The following SRMS variants were observed in gnomAD, a reference collection of about 807,000 sequenced individuals.
The protein encoded by SRMS is src-related kinase lacking C-terminal regulatory tyrosine and N-terminal myristylation sites.
Under a neutral mutation model 43.5 loss-of-function variants are expected in SRMS, and 42 were observed. That is an observed-to-expected ratio of 0.97 (90% CI 0.75 to 1.25). The LOEUF is 1.25. SRMS is among the 50% of genes most tolerant of loss of function. The probability of loss-of-function intolerance (pLI) is 0.00; values close to 1 mark genes in which losing one functional copy is unlikely to be tolerated. For missense variants in SRMS, 703 were observed against 681.0 expected, an observed-to-expected ratio of 1.03 and a Z score of -0.36; for synonymous variants, 316 against 308.2, an observed-to-expected ratio of 1.03 and a Z score of -0.27.
At chr20:63,541,663 G>T in intron 5 of SRMS, 43 bp from the exon 6 acceptor site, 1 of 1,457,898 alleles carries the variant, frequency 6.9e-7, no homozygotes. Flanking sequence ...CGGGGCCAAC[G>T]GCCGGTGAGG....
chr20:63,547,153 A>G lies in SRMS; in HGVS notation c.311T>C (p.Ile104Thr), dbSNP rs771833261. ...SGQPSAGLVP[I>T]THVAKASPET... is the part of the protein sequence containing the mutation. ...AGGAGAAGCCTTGGCCACGTGGGTG[A>G]TGGGCACGAGCCCGGCGCTGGGCTG... The change falls in exon 1 of 8, where the codon ATC becomes ACC. Residue 104 changes from isoleucine to threonine, a missense_variant. Transcript: ENST00000217188. 195 of 1,608,210 alleles carry G rather than the reference A, an allele frequency of 1.2e-4. No individual in the cohort carries two copies. Among genetic ancestry groups the G allele is most frequent in the Non-Finnish European group, 1.6e-4 (193 of 1,177,514 alleles).
chr20:63,542,012 C>T, intron 5 of SRMS, 151 bp downstream of exon 5: 1 of 1,157,046 alleles, frequency 8.6e-7, no homozygotes, highest in Non-Finnish European at 1.2e-6. Context: ...GGCTGGAGAC[C>T]AGACAGGGAT....
chr20:63,543,997 A>G (rs201575370), intron 2 of SRMS, among the ~76,000 whole-genome samples: 3 of 137,948 alleles, frequency 2.2e-5, no homozygotes, highest in Non-Finnish European at 3.1e-5. Context: ...ATTAGTGAGG[A>G]ATGAATGAAC....
At chr20:63,543,956 G>A (rs1240428332) in intron 2 of SRMS, among the ~76,000 whole-genome samples, 1 of 149,216 alleles carries the variant, frequency 6.7e-6, no homozygotes, top group Non-Finnish European at 1.5e-5. Flanking sequence ...ACGAGTGAAT[G>A]AGATGAATGG....
rs373925989 is a variant in SRMS at position 63,540,942 on chromosome 20, G to A, written c.1343C>T (p.Pro448Leu). 8.6e-5 allele frequency: 139 copies of A among 1,607,060 alleles called. No individual in the cohort carries two copies. Among genetic ancestry groups the A allele is most frequent in the Non-Finnish European group, 9.4e-5 (111 of 1,179,450 alleles). ...QIMRGYRLPR[P>L]AACPAEVYVL... ...GTAGACCTCCGCCGGGCAGGCAGCC[G>A]GGCGCGGCAGCCGGTACCCTCGCAT... Residue 448 changes from proline (P) to leucine (L), a missense_variant, in exon 8 of 8, where the codon CCG (proline) becomes CTG (leucine). Transcript: ENST00000217188.
chr20:63,547,189 C>G lies in SRMS; in HGVS notation c.275G>C (p.Arg92Thr). 2 of 1,612,114 alleles carry G rather than the reference C, an allele frequency of 1.2e-6. No individual in the cohort carries two copies. The highest frequency in any genetic ancestry group is 4.5e-5 in the East Asian group (2 of 44,832). ...CCCGGCGCTGGGCTGGCCCGAAAGC[C>G]TGCGTGCGAAGATGTAGCCGCCCCC... is the stretch of plus-strand genomic sequence containing the variant. The part of the protein sequence containing the change: ...EEGGGYIFAR[R>T]LSGQPSAGLV... Residue 92 changes from arginine to threonine, a missense_variant, in exon 1 of 8, where the codon AGG becomes ACG. By Grantham distance (71) the Arg-to-Thr change is moderately conservative (BLOSUM62 -1). Coordinates refer to ENST00000217188, the MANE Select transcript of SRMS (RefSeq NM_080823.4).
In SRMS at chr20:63,547,233, C is replaced by G. The variant is rs756926028; in HGVS notation, c.231G>C (p.Arg77Ser). ...CGCCCCCCTCTTCGAGGGCACAGAG[C>G]CTGTCCCCGCGGCGGACACTCAGCT... is the stretch of plus-strand genomic sequence containing the variant. ...GGELSVRRGD[R>S]LCALEEGGGY... The change falls in exon 1 of 8, where the codon AGG (arginine) becomes AGC (serine). Residue 77 changes from arginine to serine, a missense_variant. Coordinates refer to ENST00000217188, the MANE Select transcript of SRMS (RefSeq NM_080823.4). The G allele has an allele frequency of 9.3e-6, 15 of 1,611,650 alleles. No individual in the cohort carries two copies. The highest frequency in any genetic ancestry group is 6.6e-5 in the South Asian group (6 of 90,978).
rs1191370882 is a variant in SRMS, at chr20:63,542,157, A to G, written c.946+6T>C. On this transcript the variant is annotated splice_donor_region_variant and intron_variant, in intron 5 of 7. Transcript: ENST00000217188. ...AGGGCCACGTGGCAGCAGGGAGGGG[A>G]CTCACTGCCCAGGAAGGCCTGCAGG... The G allele has an allele frequency of 6.2e-7, 1 of 1,603,102 alleles. No homozygotes were observed. The highest frequency in any genetic ancestry group is 1.3e-5 in the African/African-American group (1 of 74,694).
In SRMS at chr20:63,539,665, G is replaced by C. The variant is rs141165670; in HGVS notation, c.*1153C>G. Among the ~76,000 whole-genome samples the C allele has an allele frequency of 0.01, 1,550 of 152,232 alleles. 24 individuals carry two copies. Among genetic ancestry groups the C allele is most frequent in the African/African-American group, 0.035 (1,455 of 41,538 alleles). On this transcript the variant is annotated 3_prime_UTR_variant, in exon 8 of 8. Transcript: ENST00000217188. ...CAGAAGCTTCCCTGAGCCAGACGTG[G>C]GGAGACGAGGGCGGACCCTGCACAT...
At chr20:63,547,047 T>C (rs2082735643) in intron 1 of SRMS, 61 bp downstream of exon 1, 3 of 1,392,234 alleles carry the variant, frequency 2.2e-6, no homozygotes, top group East Asian at 5.0e-5. Flanking sequence ...AATCCTGCCG[T>C]TGTTCTGGAC....
Position 63,547,283 on chromosome 20 carries a change from C to T in SRMS, c.181G>A (p.Asp61Asn), listed in dbSNP as rs143145993. 1.1e-4 allele frequency: 176 copies of T among 1,608,826 alleles called. No individual in the cohort carries two copies. The highest frequency in any genetic ancestry group is 1.4e-4 in the Non-Finnish European group (170 of 1,177,376). Residue 61 changes from aspartate to asparagine, a missense_variant, in exon 1 of 8, where the codon GAC (aspartate) becomes AAC (asparagine). Coordinates refer to ENST00000217188, the MANE Select transcript of SRMS (RefSeq NM_080823.4). Reference protein sequence around the residue: ...PFPQLFLALYDFTARCGGELS... With the variant: ...PFPQLFLALYNFTARCGGELS... ...TCCCCGCCACACCGCGCCGTGAAGT[C>T]ATAGAGCGCAAGGAAGAGCTGAGGG...
rs141886082 is a variant in SRMS, at chr20:63,546,677, G to A, written c.356+431C>T. On this transcript the variant is annotated intron_variant, in intron 1 of 7. Transcript: ENST00000217188. ...AGCCCCCAGCCCCTGCTCACCTGCC[G>A]TCACCCAGAGCTCCTGGAGCTCCTG... Among the ~76,000 whole-genome samples, 908 of 140,616 alleles carry A rather than the reference G, an allele frequency of 6.5e-3. 5 individuals carry two copies. Among genetic ancestry groups the A allele is most frequent in the Non-Finnish European group, 0.01 (654 of 64,540 alleles). The allele number at this position is 140,616 out of a possible 152,430, so 92.2% of individuals were successfully genotyped here. A position where few individuals can be genotyped will look rare whatever the true frequency, so the allele number is the denominator to read the frequency against.
At chr20:63,543,616 T>C in intron 2 of SRMS, 136 bp from the exon 3 acceptor site, 1 of 1,091,958 alleles carries the variant, frequency 9.2e-7, no homozygotes, top group Non-Finnish European at 1.3e-6. Flanking sequence ...TGGTCAGAGC[T>C]GTGTGGAGGA....
At chr20:63,542,754 C>T (rs6010963) in intron 3 of SRMS, among the ~76,000 whole-genome samples, 173 bp from the exon 4 acceptor site, 2 of 152,222 alleles carry the variant, frequency 1.3e-5, no homozygotes, top group Non-Finnish European at 2.9e-5. Context: ...GGCCCAGCCC[C>T]GTGGGAGCTC....
chr20:63,540,770 G>A lies in SRMS; in HGVS notation c.*48C>T. 1.3e-6 allele frequency: 2 copies of A among 1,544,488 alleles called. No individual in the cohort carries two copies. The highest frequency in any genetic ancestry group is 1.7e-6 in the Non-Finnish European group (2 of 1,147,740). On this transcript the variant is annotated 3_prime_UTR_variant, in exon 8 of 8. Transcript: ENST00000217188. ...CCTTCGAGTTGGCGCTCTGCAGGGA[G>A]GAGGGGCTGGCCTGGCTGGAGCCCA...
In SRMS at chr20:63,547,480, G is replaced by A. The variant is rs188056127; in HGVS notation, c.-17C>T. On this transcript the variant is annotated 5_prime_UTR_variant, in exon 1 of 8. Coordinates refer to ENST00000217188, the MANE Select transcript of SRMS (RefSeq NM_080823.4). ...CGGCTCCATCCCCCGGGGTCACCAC[G>A]CTGGGCCCGAGGGCCATGGGAGCCC... is the stretch of plus-strand genomic sequence containing the variant. 7,493 of 1,464,614 alleles carry A rather than the reference G, an allele frequency of 5.1e-3. 31 individuals carry two copies. Among genetic ancestry groups the A allele is most frequent in the Non-Finnish European group, 5.8e-3 (6,464 of 1,105,352 alleles). 90.7% of individuals were successfully genotyped at this position (1,464,614 alleles called of 1,614,324 possible).
chr20:63,546,208 G>A (rs950153422), intron 1 of SRMS, among the ~76,000 whole-genome samples: 1 of 152,172 alleles, frequency 6.6e-6, no homozygotes, highest in African/African-American at 2.4e-5. Flanking sequence ...CCCAACCACT[G>A]CTCAGGACAA....
chr20:63,547,452 G>A lies in SRMS; in HGVS notation c.12C>T (p.Phe4=), dbSNP rs1174023389. 1.3e-6 allele frequency: 2 copies of A among 1,509,392 alleles called. No homozygotes were observed. The highest frequency in any genetic ancestry group is 5.0e-5 in the East Asian group (2 of 40,094). 93.5% of individuals were successfully genotyped at this position (1,509,392 alleles called of 1,614,324 possible). A position where few individuals can be genotyped will look rare whatever the true frequency, so the allele number is the denominator to read the frequency against. ...ACAGGAAGGCCAGCCGCCTCCTGAG[G>A]AACGGCTCCATCCCCCGGGGTCACC... MEP[F]LRRRLAFLSF... is the part of the protein sequence containing the mutation. Residue 4 remains phenylalanine, a synonymous_variant, in exon 1 of 8, where the codon TTC becomes TTT. Transcript: ENST00000217188.
Position 63,540,090 on chromosome 20 carries a change from G to C in SRMS, c.*728C>G, listed in dbSNP as rs541684845. On this transcript the variant is annotated 3_prime_UTR_variant, in exon 8 of 8. Transcript: ENST00000217188. ...CCCGTACGCTCCAGCTCCTGGGTCTGGGTTTGGGGGGCTGAGCCTGTGTGT... is the reference window on the plus strand; with the variant it reads ...CCCGTACGCTCCAGCTCCTGGGTCTCGGTTTGGGGGGCTGAGCCTGTGTGT... 1.6e-4 allele frequency among the ~76,000 whole-genome samples: 24 copies of C among 152,354 alleles called. No homozygotes were observed. The highest frequency in any genetic ancestry group is 9.1e-4 in the Admixed American group (14 of 15,312).
Sources: gnomAD v4.1 joint callset for allele counts (sites outside exome capture counted in the v4.1 genomes callset) on GRCh38, gnomAD v4.1.1 for gene constraint, MANE v1.5 for transcripts, NCBI Gene and HGNC (gene_info 2026-07-23, HGNC 2026-07-21) for gene names.